SSPN: variants seen among roughly 807,000 people sequenced by gnomAD.
SSPN encodes sarcospan, also known as K-ras oncogene-associated protein.
In SSPN, 15 loss-of-function variants were observed where a neutral mutation model predicts 19.1. The observed-to-expected ratio is 0.78, with a 90% CI of 0.52 to 1.21. The LOEUF is 1.21. Among genes scored for constraint, SSPN ranks in the 50% most tolerant of loss-of-function variants. The pLI is 0.00. For missense variants in SSPN, 291 were observed against 314.0 expected, an observed-to-expected ratio of 0.93 and a Z score of 0.55; for synonymous variants, 147 against 140.3, an observed-to-expected ratio of 1.05 and a Z score of -0.34.
intron 1 of SSPN, among the ~76,000 whole-genome samples, chr12:26,212,440 TACC>T (rs1944998802): frequency 6.6e-6 from 1 of 152,120 alleles, no homozygotes; most frequent in Admixed American, 6.6e-5. Context: ...CCTGGATTTT[TACC>T]ATCTTCTTTT....
intron 2 of SSPN, among the ~76,000 whole-genome samples, chr12:26,226,183 G>C (rs909110657): frequency 1.3e-5 from 2 of 152,114 alleles, no homozygotes; most frequent in African/African-American, 4.8e-5. Context: ...ATTATCTTCA[G>C]GTTGAAAGTG....
At chr12:26,142,767 T>C (rs943324391) in intron 1 of SSPN, among the ~76,000 whole-genome samples, 26 of 152,136 alleles carry the variant, frequency 1.7e-4, no homozygotes, top group African/African-American at 6.3e-4. Context: ...TTTTACACAT[T>C]GGATGAAAGA....
intron 1 of SSPN, among the ~76,000 whole-genome samples, chr12:26,132,208 G>A (rs763988346): frequency 5.3e-5 from 8 of 152,152 alleles, no homozygotes; most frequent in Non-Finnish European, 1.2e-4. Context: ...TTAGCTCACT[G>A]AATAAAGCTG....
At chr12:26,147,815 TGG>T (rs1944501920) in intron 1 of SSPN, among the ~76,000 whole-genome samples, 1 of 151,972 alleles carries the variant, frequency 6.6e-6, no homozygotes, top group South Asian at 2.1e-4. Flanking sequence ...TATGGGTAGG[TGG>T]TTAGGTTGGT....
chr12:26,130,090 T>C (rs950446547), intron 1 of SSPN, among the ~76,000 whole-genome samples: 2 of 152,146 alleles, frequency 1.3e-5, no homozygotes. Flanking sequence ...AAAAGTAGCA[T>C]GAGGAGGAGA....
intron 1 of SSPN, among the ~76,000 whole-genome samples, chr12:26,161,844 C>A (rs1944591027): frequency 6.6e-6 from 1 of 152,180 alleles, no homozygotes; most frequent in Admixed American, 6.5e-5. Flanking sequence ...CAATAGGGTT[C>A]ATGGTCCTAT....
intron 1 of SSPN, among the ~76,000 whole-genome samples, chr12:26,150,300 T>G (rs1944517811): frequency 6.6e-6 from 1 of 152,182 alleles, no homozygotes; most frequent in Non-Finnish European, 1.5e-5. Flanking sequence ...CTGGGTATTT[T>G]GACACTGAGA....
intron 1 of SSPN, among the ~76,000 whole-genome samples, chr12:26,157,042 TCTTTA>T (rs1944560095): frequency 6.6e-6 from 1 of 152,228 alleles, no homozygotes. Flanking sequence ...AGAGCAGGGA[TCTTTA>T]CTTTGTTCTA....
At chr12:26,209,026 T>C (rs1411386228) in intron 1 of SSPN, among the ~76,000 whole-genome samples, 2 of 151,058 alleles carry the variant, frequency 1.3e-5, no homozygotes, top group Admixed American at 6.6e-5. Flanking sequence ...CATTTTATTC[T>C]TCTTCAAAAT....
chr12:26,186,775 C>T (rs1381611307), intron 1 of SSPN, among the ~76,000 whole-genome samples: 1 of 152,150 alleles, frequency 6.6e-6, no homozygotes, highest in African/African-American at 2.4e-5. Flanking sequence ...ATGTATTAAC[C>T]ATTCAACAAG....
At position 26,230,716 on chromosome 12, in the gene SSPN, A is replaced by G. The variant is rs560718200; in HGVS notation, c.372A>G (p.Leu124=). 5.4e-5 allele frequency: 86 copies of G among 1,606,952 alleles called. 2 individuals are homozygous for G. The South Asian group carries it at 9.4e-4, about 18-fold the overall frequency. ...TTTCTTCTGCTTTCTTGCAGCTGTT[A>G]TACTTTCTGCTGAGTGCCCTGGGCC... ...RTCIQFSMKL[L]YFLLSALGLT... Residue 124 remains leucine (L), a synonymous_variant, in exon 3 of 3, where the codon TTA becomes TTG. Coordinates refer to ENST00000242729, the MANE Select transcript of SSPN (RefSeq NM_005086.5).
intron 1 of SSPN, chr12:26,124,108 C>T (rs1054868339): frequency 6.2e-7 from 1 of 1,612,760 alleles, no homozygotes. Flanking sequence ...AATCTTTCAG[C>T]TGAGCAATGC....
chr12:26,129,542 T>C (rs1944386191), intron 1 of SSPN, among the ~76,000 whole-genome samples: 1 of 152,186 alleles, frequency 6.6e-6, no homozygotes, highest in African/African-American at 2.4e-5. Context: ...CTTTAAAATA[T>C]TGATGATGTT....
chr12:26,231,128 A>G lies in SSPN; in HGVS notation c.*52A>G, dbSNP rs1250745955. ...AGTAGCACATGGAGTAGCTGAGGTT[A>G]AACAAACAAAAAAAAATTTTAAACA... On this transcript the variant is annotated 3_prime_UTR_variant, in exon 3 of 3. Coordinates refer to ENST00000242729, the MANE Select transcript of SSPN (RefSeq NM_005086.5). 2.0e-6 allele frequency: 3 copies of G among 1,489,478 alleles called. No individual in the cohort carries two copies. The highest frequency in any genetic ancestry group is 1.8e-6 in the Non-Finnish European group (2 of 1,119,894). The allele number at this position is 1,489,478 out of a possible 1,614,324, so 92.3% of individuals were successfully genotyped here.
rs1046355153 is a variant in SSPN at position 26,210,887 on chromosome 12, C to T, written c.280-13406C>T. Among the ~76,000 whole-genome samples, 3 of 151,992 alleles carry T rather than the reference C, an allele frequency of 2.0e-5. No individual in the cohort carries two copies. In the East Asian group the frequency reaches 5.8e-4, roughly 29 times the overall value. On this transcript the variant is annotated intron_variant, in intron 1 of 2. Coordinates refer to ENST00000242729, the MANE Select transcript of SSPN (RefSeq NM_005086.5). ...TGGATCAACTTGCAAGTTTCTTATC[C>T]TTTCTGAGCTGCAAGTTTCTATAAA...
Position 26,195,770 on chromosome 12 carries a change from CG to C in SSPN, c.103del (p.Ala35ProfsTer33). On this transcript the variant is annotated frameshift_variant, in exon 1 of 3. Coordinates refer to ENST00000242729, the MANE Select transcript of SSPN (RefSeq NM_005086.5). LOFTEE classifies it high-confidence loss of function. ...GPDDMEPKKG[T>X]GAPKECGEEE... Reference sequence around the variant, plus strand: ...GACGACATGGAGCCGAAGAAGGGCACGGGGGCCCCCAAGGAGTGCGGGGAGG... The same window carrying C: ...GACGACATGGAGCCGAAGAAGGGCACGGGGCCCCCAAGGAGTGCGGGGAGG... The C allele has an allele frequency of 6.7e-7, 1 of 1,503,586 alleles. No homozygotes were observed. 93.1% of individuals were successfully genotyped at this position (1,503,586 alleles called of 1,614,324 possible). A position where few individuals can be genotyped will look rare whatever the true frequency, so the allele number is the denominator to read the frequency against.
At chr12:26,135,517 G>A (rs1158237083) in intron 1 of SSPN, among the ~76,000 whole-genome samples, 2 of 152,118 alleles carry the variant, frequency 1.3e-5, no homozygotes, top group Non-Finnish European at 2.9e-5. Flanking sequence ...GATGCGCTAC[G>A]AATGTGGAGG....
chr12:26,181,347 T>C (rs1944717678), intron 1 of SSPN: 1 of 152,268 alleles, frequency 6.6e-6, no homozygotes, highest in Non-Finnish European at 1.5e-5. Context: ...GCAAAAATAC[T>C]ACTGTAAAAC....
Position 26,195,764 on chromosome 12 carries a change from A to G in SSPN, c.92A>G (p.Lys31Arg), listed in dbSNP as rs988209505. The G allele has an allele frequency of 5.5e-5, 83 of 1,497,486 alleles. No individual in the cohort carries two copies. Among genetic ancestry groups the G allele is most frequent in the Non-Finnish European group, 7.3e-5 (82 of 1,127,160 alleles). The allele number at this position is 1,497,486 out of a possible 1,614,324, so 92.8% of individuals were successfully genotyped here. Reference sequence around the variant, plus strand: ...GGGCCCGACGACATGGAGCCGAAGAAGGGCACGGGGGCCCCCAAGGAGTGC... The same window carrying G: ...GGGCCCGACGACATGGAGCCGAAGAGGGGCACGGGGGCCCCCAAGGAGTGC... The part of the protein sequence containing the change: ...AAGPDDMEPK[K>R]GTGAPKECGE... Residue 31 changes from lysine to arginine, a missense_variant, in exon 1 of 3, where the codon AAG (lysine) becomes AGG (arginine). By Grantham distance (26) the Lys-to-Arg change is conservative. Transcript: ENST00000242729.
Sources: allele counts gnomAD v4.1 joint callset (sites outside exome capture counted in the v4.1 genomes callset), GRCh38; gene constraint gnomAD v4.1.1; transcripts MANE v1.5; gene names NCBI Gene and HGNC (gene_info 2026-07-23, HGNC 2026-07-21).